PKIG: variants seen among roughly 807,000 people sequenced by gnomAD.
PKIG encodes the protein cAMP-dependent protein kinase inhibitor gamma, also known as protein kinase (cAMP-dependent, catalytic) inhibitor gamma.
Under a neutral mutation model 6.8 loss-of-function variants are expected in PKIG, and 1 was observed. The ratio of observed to expected loss-of-function variants is 0.15; its 90% CI spans 0.05 to 0.69. PKIG has a LOEUF of 0.69. PKIG is among the 30% of genes least tolerant of loss of function. PKIG has a pLI of 0.82. For synonymous variants in PKIG, 39 were observed against 43.0 expected (o/e 0.91, Z 0.36); for missense variants, 77 against 104.0 (o/e 0.74, Z 1.13).
At chr20:44,551,220 ATTT>A (rs1338359978) in intron 1 of PKIG, among the ~76,000 whole-genome samples, 1 of 151,928 alleles carries the variant, frequency 6.6e-6, no homozygotes, top group Admixed American at 6.6e-5. Context: ...CGCCTGGCTA[ATTT>A]TTTTGTATTT....
intron 2 of PKIG, among the ~76,000 whole-genome samples, chr20:44,602,833 T>C: frequency 7.3e-6 from 1 of 137,162 alleles, no homozygotes; most frequent in African/African-American, 2.8e-5. Context: ...AGAGTAAGAC[T>C]CCATCTCAAA....
intron 2 of PKIG, among the ~76,000 whole-genome samples, chr20:44,596,397 AG>A (rs1357205767): frequency 1.2e-4 from 19 of 152,376 alleles, no homozygotes; most frequent in African/African-American, 4.3e-4. Flanking sequence ...GACTGTTTAC[AG>A]GGGGCTGGCA....
At chr20:44,574,053 C>T (rs1047792462) in intron 1 of PKIG, among the ~76,000 whole-genome samples, 1 of 152,136 alleles carries the variant, frequency 6.6e-6, no homozygotes, top group Non-Finnish European at 1.5e-5. Flanking sequence ...TTTTATTTTT[C>T]TGCTTTTACT....
At chr20:44,586,147 A>G (rs187145464) in intron 1 of PKIG, among the ~76,000 whole-genome samples, 1 of 152,368 alleles carries the variant, frequency 6.6e-6, no homozygotes, top group Non-Finnish European at 1.5e-5. Flanking sequence ...CTCACTTTAT[A>G]GAACCTACTT....
Position 44,618,436 on chromosome 20 carries a change from C to A in PKIG, c.*72C>A. 2.0e-6 allele frequency: 2 copies of A among 1,001,108 alleles called. No individual in the cohort carries two copies. The highest frequency in any genetic ancestry group is 1.6e-6 in the Non-Finnish European group (1 of 623,474). The allele number at this position is 1,001,108 out of a possible 1,614,324, so 62.0% of individuals were successfully genotyped here. ...CCCAGAGGGGGAACCCTGGCACTGG[C>A]CCAGCAGCCTCTTCTCTGAGCTCCA... is the stretch of plus-strand genomic sequence containing the variant. On this transcript the variant is annotated 3_prime_UTR_variant, in exon 4 of 4. Transcript: ENST00000372886.
At chr20:44,568,561 C>T (rs1298882642) in intron 1 of PKIG, among the ~76,000 whole-genome samples, 1 of 152,144 alleles carries the variant, frequency 6.6e-6, no homozygotes, top group East Asian at 1.9e-4. Context: ...AGTGATTCTC[C>T]TGCCTCAGCC....
In PKIG at chr20:44,616,971, G is replaced by A. The variant is rs563656515; in HGVS notation, c.152-1314G>A. 1.2e-4 allele frequency among the ~76,000 whole-genome samples: 19 copies of A among 152,338 alleles called. No homozygotes were observed. The East Asian group carries it at 3.7e-3, about 29-fold the overall frequency. ...CAGGCCTCTATAAACCTTCAGGAAT[G>A]CTGCTTATTGGAGGAGGTTAAATTT... is the stretch of plus-strand genomic sequence containing the variant. On this transcript the variant is annotated intron_variant, in intron 3 of 3. Transcript: ENST00000372886.
At chr20:44,564,691 G>A (rs1230542804) in intron 1 of PKIG, among the ~76,000 whole-genome samples, 5 of 152,086 alleles carry the variant, frequency 3.3e-5, no homozygotes, top group Non-Finnish European at 7.4e-5. Context: ...AGGTGTTCCC[G>A]GCTTTAGCCA....
At chr20:44,544,845 A>G (rs2123163531) in intron 1 of PKIG, among the ~76,000 whole-genome samples, 1 of 144,144 alleles carries the variant, frequency 6.9e-6, no homozygotes, top group East Asian at 2.2e-4. Context: ...TATACCCTGT[A>G]TTTGGAGAAA....
At chr20:44,570,016 T>A (rs1225297746) in intron 1 of PKIG, among the ~76,000 whole-genome samples, 3 of 152,112 alleles carry the variant, frequency 2.0e-5, no homozygotes, top group Non-Finnish European at 4.4e-5. Flanking sequence ...GTAGTCCTAG[T>A]TATTCCAGAG....
chr20:44,616,317 C>A (rs969518007), intron 3 of PKIG, among the ~76,000 whole-genome samples: 1 of 152,308 alleles, frequency 6.6e-6, no homozygotes, highest in African/African-American at 2.4e-5. Context: ...TTCTCCAGCA[C>A]AGGCTCTGTG....
chr20:44,532,208 C>T (rs1411425143), intron 1 of PKIG, among the ~76,000 whole-genome samples: 1 of 152,172 alleles, frequency 6.6e-6, no homozygotes, highest in African/African-American at 2.4e-5. Context: ...CATTGGTCGA[C>T]CTCATTCGAA....
At chr20:44,547,902 C>T (rs1347851441) in intron 1 of PKIG, among the ~76,000 whole-genome samples, 1 of 151,904 alleles carries the variant, frequency 6.6e-6, no homozygotes, top group Admixed American at 6.6e-5. Flanking sequence ...ATAGGCTGGG[C>T]ATGGTGGCTC....
chr20:44,612,356 C>T (rs1272046459), intron 2 of PKIG, among the ~76,000 whole-genome samples: 4 of 151,308 alleles, frequency 2.6e-5, no homozygotes, highest in Admixed American at 6.6e-5. Flanking sequence ...GGGCATTTGC[C>T]TGAGTGGGTC....
chr20:44,612,999 C>T (rs748179224), intron 2 of PKIG, among the ~76,000 whole-genome samples: 2 of 152,082 alleles, frequency 1.3e-5, no homozygotes, highest in Non-Finnish European at 2.9e-5. Context: ...TGTTCTAAAG[C>T]GTCCCAAAGA....
intron 1 of PKIG, among the ~76,000 whole-genome samples, chr20:44,568,976 TA>T (rs2064832436): frequency 6.6e-6 from 1 of 152,216 alleles, no homozygotes; most frequent in African/African-American, 2.4e-5. Flanking sequence ...GATAGATTCT[TA>T]GATGTAAGAT....
chr20:44,590,796 A>G (rs2065027470), intron 2 of PKIG, among the ~76,000 whole-genome samples: 1 of 152,206 alleles, frequency 6.6e-6, no homozygotes, highest in African/African-American at 2.4e-5. Context: ...TGCCGAATCC[A>G]CTGTGCATCT....
chr20:44,587,091 T>C (rs766304818), intron 1 of PKIG, among the ~76,000 whole-genome samples: 1 of 152,200 alleles, frequency 6.6e-6, no homozygotes, highest in African/African-American at 2.4e-5. Flanking sequence ...TAAATGTACA[T>C]TGAGGACCTG....
At chr20:44,571,702 T>C (rs1208075935) in intron 1 of PKIG, among the ~76,000 whole-genome samples, 1 of 152,250 alleles carries the variant, frequency 6.6e-6, no homozygotes, top group Admixed American at 6.5e-5. Flanking sequence ...TAGGGTAGAC[T>C]GGTTTTTCCA....
Sources: allele counts gnomAD v4.1 joint callset (sites outside exome capture counted in the v4.1 genomes callset), GRCh38; gene constraint gnomAD v4.1.1; transcripts MANE v1.5; gene names NCBI Gene and HGNC (gene_info 2026-07-23, HGNC 2026-07-21).